Variants in FOXN3 observed in about 807,000 individuals in gnomAD.
FOXN3 encodes the protein forkhead box protein N3.
FOXN3 carries 7 observed loss-of-function variants against 38.4 expected under a neutral mutation model. The observed-to-expected ratio is 0.18, with a 90% CI of 0.10 to 0.34. FOXN3 has a LOEUF of 0.34. FOXN3 is among the 10% of genes least tolerant of loss of function. The probability of loss-of-function intolerance (pLI) is 1.00; values close to 1 mark genes in which losing one functional copy is unlikely to be tolerated. For missense variants in FOXN3, 456 were observed against 613.4 expected (o/e 0.74, Z 2.71); for synonymous variants, 230 against 242.2 (o/e 0.95, Z 0.47).
chr14:89,294,205 T>C (rs1211308922), intron 3 of FOXN3, among the ~76,000 whole-genome samples: 4 of 152,046 alleles, frequency 2.6e-5, no homozygotes, highest in Non-Finnish European at 4.4e-5. Flanking sequence ...CCAGCCTCTC[T>C]CCCCACAGCA....
Position 89,533,839 on chromosome 14 carries a change from T to C in FOXN3, c.-15+85189A>G, listed in dbSNP as rs1894627948. Among the ~76,000 whole-genome samples, 4 of 152,158 alleles carry C rather than the reference T, an allele frequency of 2.6e-5. No homozygotes were observed. In the South Asian group the frequency reaches 8.3e-4, roughly 32 times the overall value. On this transcript the variant is annotated intron_variant, in intron 1 of 6. Transcript: ENST00000345097. ...AGAAAAGCTCCCACTTAAGTTGAGATGTGGGGTTCTGGTGATCTGACCTAT... is the reference window on the plus strand; with the variant it reads ...AGAAAAGCTCCCACTTAAGTTGAGACGTGGGGTTCTGGTGATCTGACCTAT...
In FOXN3 at chr14:89,204,127, G is replaced by A. The variant is rs200115522; in HGVS notation, c.746-23321C>T. Among the ~76,000 whole-genome samples, 3 of 148,858 alleles carry A rather than the reference G, an allele frequency of 2.0e-5. No homozygotes were observed. The East Asian group carries it at 5.9e-4, about 29-fold the overall frequency. On this transcript the variant is annotated intron_variant, in intron 4 of 5. Coordinates refer to ENST00000557258, the MANE Select transcript of FOXN3 (RefSeq NM_005197.4). ...CAACTACTACTACAACCACCCACAG[G>A]AGCGATCTCTCTCTTTCTCCCTTAG...
At chr14:89,475,976 C>T (rs1262805829) in intron 1 of FOXN3, among the ~76,000 whole-genome samples, 2 of 152,128 alleles carry the variant, frequency 1.3e-5, no homozygotes, top group African/African-American at 4.8e-5. Flanking sequence ...ATTTCCTGCC[C>T]CTTGTTCACC....
At chr14:89,214,423 C>T (rs1444306169) in intron 4 of FOXN3, among the ~76,000 whole-genome samples, 1 of 152,242 alleles carries the variant, frequency 6.6e-6, no homozygotes, top group African/African-American at 2.4e-5. Context: ...AATCTCTTCA[C>T]ATCTATTTGC....
chr14:89,233,615 A>C (rs1158882068), intron 4 of FOXN3, among the ~76,000 whole-genome samples: 1 of 152,120 alleles, frequency 6.6e-6, no homozygotes, highest in East Asian at 1.9e-4. Context: ...CTCCACTCCC[A>C]GTAAACACAG....
chr14:89,593,423 A>G (rs192938956), intron 1 of FOXN3, among the ~76,000 whole-genome samples: 2 of 152,114 alleles, frequency 1.3e-5, no homozygotes, highest in Admixed American at 6.5e-5. Flanking sequence ...TAGATCACCT[A>G]AAGTCAGGAG....
intron 1 of FOXN3, among the ~76,000 whole-genome samples, chr14:89,534,058 C>T (rs569544735): frequency 2.0e-5 from 3 of 151,778 alleles, no homozygotes; most frequent in South Asian, 4.2e-4. Flanking sequence ...GCTTCCCCCC[C>T]GCCACCCACT....
At chr14:89,492,296 G>C (rs1304535011) in intron 1 of FOXN3, among the ~76,000 whole-genome samples, 1 of 152,170 alleles carries the variant, frequency 6.6e-6, no homozygotes, top group East Asian at 1.9e-4. Flanking sequence ...AGGATACATG[G>C]GGCACACACC....
At chr14:89,168,801 C>T (rs146415510) in intron 5 of FOXN3, among the ~76,000 whole-genome samples, 9 of 152,190 alleles carry the variant, frequency 5.9e-5, no homozygotes, top group East Asian at 1.9e-4. Context: ...AAAGTCCATA[C>T]GGAGACACAT....
intron 4 of FOXN3, among the ~76,000 whole-genome samples, chr14:89,256,775 G>T (rs1016062976): frequency 6.6e-6 from 1 of 152,122 alleles, no homozygotes; most frequent in African/African-American, 2.4e-5. Flanking sequence ...CCTCTTCTTG[G>T]TGAAATTTAG....
At chr14:89,543,250 T>C (rs897153644) in intron 1 of FOXN3, among the ~76,000 whole-genome samples, 1 of 152,138 alleles carries the variant, frequency 6.6e-6, no homozygotes, top group African/African-American at 2.4e-5. Context: ...TCAACTTGGA[T>C]GCTCACGGTC....
chr14:89,503,311 GA>G (rs373914127), intron 1 of FOXN3, among the ~76,000 whole-genome samples: 33 of 143,082 alleles, frequency 2.3e-4, no homozygotes, highest in Middle Eastern at 3.5e-3. Flanking sequence ...CCAAAATGAA[GA>G]AAAAAAAAAC....
intron 1 of FOXN3, among the ~76,000 whole-genome samples, chr14:89,436,176 A>C (rs1181309587): frequency 6.6e-6 from 1 of 151,820 alleles, no homozygotes; most frequent in Non-Finnish European, 1.5e-5. Flanking sequence ...GGTAGGAAGA[A>C]AGTTACCAAT....
chr14:89,263,456 C>A (rs1885871765), intron 4 of FOXN3: 1 of 151,908 alleles, frequency 6.6e-6, no homozygotes, highest in African/African-American at 2.4e-5. Context: ...GTATTAACAA[C>A]ATCAATAACA....
At chr14:89,256,021 G>T (rs1885608537) in intron 4 of FOXN3, among the ~76,000 whole-genome samples, 1 of 152,056 alleles carries the variant, frequency 6.6e-6, no homozygotes, top group Admixed American at 6.5e-5. Flanking sequence ...GGGTGGAGGT[G>T]GGTCTGACAC....
intron 3 of FOXN3, among the ~76,000 whole-genome samples, chr14:89,292,859 C>T (rs1886919567): frequency 6.6e-6 from 1 of 152,210 alleles, no homozygotes. Context: ...CGACCTCCCA[C>T]ATGCACTCAC....
intron 2 of FOXN3, among the ~76,000 whole-genome samples, chr14:89,363,171 T>A (rs11159904): frequency 7.0e-4 from 106 of 152,112 alleles, no homozygotes; most frequent in African/African-American, 2.5e-3. Flanking sequence ...GGGCCTCACA[T>A]CCCTGCTCAG....
rs115730925 is a variant in FOXN3, at chr14:89,159,810, T to A, written c.*2604A>T. 1.8e-4 allele frequency: 27 copies of A among 152,374 alleles called. No individual in the cohort carries two copies. Among genetic ancestry groups the A allele is most frequent in the African/African-American group, 6.5e-4 (27 of 41,578 alleles). The allele number at this position is 152,374 out of a possible 1,614,324, so 9.4% of individuals were successfully genotyped here. ...TGGATGGCTTTTAGGGTGTCAGATG[T>A]CTGGGGAGACGGAGGGAACAGAGCA... On this transcript the variant is annotated 3_prime_UTR_variant, in exon 6 of 6. Coordinates refer to ENST00000557258, the MANE Select transcript of FOXN3 (RefSeq NM_005197.4).
At chr14:89,515,219 G>A (rs1010829293) in intron 1 of FOXN3, among the ~76,000 whole-genome samples, 3 of 151,310 alleles carry the variant, frequency 2.0e-5, no homozygotes, top group South Asian at 2.1e-4. Context: ...CACCACGCCC[G>A]GCCAAGAATG....
Sources: gnomAD v4.1 joint callset for allele counts (sites outside exome capture counted in the v4.1 genomes callset) on GRCh38, gnomAD v4.1.1 for gene constraint, MANE v1.5 for transcripts, NCBI Gene and HGNC (gene_info 2026-07-23, HGNC 2026-07-21) for gene names.